MALRD1: variants seen among roughly 807,000 people sequenced by gnomAD.
MALRD1 encodes the protein MAM and LDL receptor class A domain containing 1, also known as MAM and LDL-receptor class A domain-containing protein 1.
Under a neutral mutation model 242.1 loss-of-function variants are expected in MALRD1, and 247 were observed. That is an observed-to-expected ratio of 1.02 (90% confidence interval 0.92 to 1.13). The LOEUF (loss-of-function observed/expected upper bound fraction) is 1.13, where lower values mean the gene tolerates loss of function less well. MALRD1 is among the 50% of genes most tolerant of loss of function. MALRD1 has a pLI of 0.00. For synonymous variants in MALRD1, 995 were observed against 866.6 expected (o/e 1.15, Z -2.60); for missense variants, 2,989 against 2,533.1 (o/e 1.18, Z -3.86).
intron 36 of MALRD1, among the ~76,000 whole-genome samples, chr10:19,659,295 G>C (rs769833500): frequency 4.2e-4 from 64 of 152,228 alleles, no homozygotes; most frequent in Admixed American, 9.8e-4. Context: ...GCACTTTCAT[G>C]TGTTTAATGA....
At chr10:19,395,905 T>C (rs1846556209) in intron 28 of MALRD1, among the ~76,000 whole-genome samples, 1 of 152,142 alleles carries the variant, frequency 6.6e-6, no homozygotes, top group African/African-American at 2.4e-5. Flanking sequence ...CTGGAATCTC[T>C]TCTGTCTTGA....
intron 36 of MALRD1, among the ~76,000 whole-genome samples, chr10:19,646,058 T>G (rs919139361): frequency 6.6e-6 from 1 of 152,242 alleles, no homozygotes; most frequent in African/African-American, 2.4e-5. Flanking sequence ...ATTATTTTTA[T>G]AATAAACATG....
At chr10:19,338,270 C>T (rs1279245812) in intron 24 of MALRD1, among the ~76,000 whole-genome samples, 1 of 151,992 alleles carries the variant, frequency 6.6e-6, no homozygotes, top group Non-Finnish European at 1.5e-5. Flanking sequence ...TATCGACTAC[C>T]ATAGTATCCT....
intron 33 of MALRD1, among the ~76,000 whole-genome samples, chr10:19,574,145 C>T (rs747342983): frequency 7.2e-5 from 11 of 152,140 alleles, no homozygotes; most frequent in Non-Finnish European, 1.5e-4. Flanking sequence ...GCTCTCACTT[C>T]GTTAATGAAT....
At chr10:19,588,933 G>A (rs1041061753) in intron 33 of MALRD1, among the ~76,000 whole-genome samples, 16 of 152,154 alleles carry the variant, frequency 1.1e-4, no homozygotes, top group South Asian at 6.2e-4. Context: ...ATGAGCCACC[G>A]CGCCCAGTCT....
At chr10:19,229,962 A>G in intron 18 of MALRD1, among the ~76,000 whole-genome samples, 1 of 152,092 alleles carries the variant, frequency 6.6e-6, no homozygotes, top group East Asian at 1.9e-4. Flanking sequence ...GGACCTCGTG[A>G]GAGGTAAGTG....
intron 34 of MALRD1, among the ~76,000 whole-genome samples, 177 bp downstream of exon 34, chr10:19,595,634 A>G (rs1838057438): frequency 6.6e-6 from 1 of 152,192 alleles, no homozygotes; most frequent in Non-Finnish European, 1.5e-5. Context: ...TAGTGTTTCC[A>G]GCAACACCCC....
chr10:19,306,140 T>G (rs1301515088), intron 21 of MALRD1, among the ~76,000 whole-genome samples: 2 of 119,776 alleles, frequency 1.7e-5, no homozygotes, highest in African/African-American at 6.8e-5. Context: ...TAGTATAGTA[T>G]ATATATACTA....
intron 8 of MALRD1, among the ~76,000 whole-genome samples, chr10:19,131,655 C>G (rs2131400679): frequency 6.6e-6 from 1 of 152,206 alleles, no homozygotes; most frequent in Non-Finnish European, 1.5e-5. Context: ...AACTCAACAA[C>G]ATTGACTTTG....
chr10:19,690,469 G>A (rs1383084798), intron 36 of MALRD1, among the ~76,000 whole-genome samples: 1 of 151,966 alleles, frequency 6.6e-6, no homozygotes, highest in Non-Finnish European at 1.5e-5. Context: ...ACTTTACAAA[G>A]TTCAGAATTG....
At chr10:19,451,429 C>A (rs1031385259) in intron 29 of MALRD1, among the ~76,000 whole-genome samples, 3 of 151,850 alleles carry the variant, frequency 2.0e-5, no homozygotes, top group Non-Finnish European at 4.4e-5. Flanking sequence ...ACAAAACTAC[C>A]CAGAAAATGT....
rs544012373 is a variant in MALRD1, at chr10:19,181,259, C to A, written c.1951+5931C>A. 3.3e-5 allele frequency among the ~76,000 whole-genome samples: 5 copies of A among 152,232 alleles called. No individual in the cohort carries two copies. In the South Asian group the frequency reaches 1.0e-3, roughly 32 times the overall value. On this transcript the variant is annotated intron_variant, in intron 14 of 39. Transcript: ENST00000454679. Reference sequence around the variant, plus strand: ...ACCACTTCATAAAGCTATCTGCACTCCCATGTTCGCTGCAGGATTATTCTT... The same window carrying A: ...ACCACTTCATAAAGCTATCTGCACTACCATGTTCGCTGCAGGATTATTCTT...
chr10:19,241,693 C>T (rs2499078), intron 18 of MALRD1, among the ~76,000 whole-genome samples: 59,410 of 151,748 alleles, frequency 0.39, 12,444 homozygotes, highest in South Asian at 0.67. Context: ...GCTTTTATTG[C>T]TATAAATTTC....
At chr10:19,582,580 A>G (rs1414508245) in intron 33 of MALRD1, among the ~76,000 whole-genome samples, 19 of 138,260 alleles carry the variant, frequency 1.4e-4, no homozygotes, top group Admixed American at 3.0e-4. Context: ...CCATTGATCT[A>G]TATCTCTGTT....
intron 29 of MALRD1, among the ~76,000 whole-genome samples, chr10:19,452,723 A>G (rs1182976462): frequency 6.6e-6 from 1 of 152,220 alleles, no homozygotes; most frequent in East Asian, 1.9e-4. Flanking sequence ...ATGGATGATC[A>G]GAAGGAGCTT....
At chr10:19,287,244 C>G (rs1841170458) in intron 21 of MALRD1, among the ~76,000 whole-genome samples, 1 of 151,990 alleles carries the variant, frequency 6.6e-6, no homozygotes, top group Non-Finnish European at 1.5e-5. Flanking sequence ...ACTTTTCTCA[C>G]TTTTATTAGG....
chr10:19,531,198 T>C lies in MALRD1; in HGVS notation c.5325T>C (p.Ser1775=), dbSNP rs1483494100. 32 of 1,545,058 alleles carry C rather than the reference T, an allele frequency of 2.1e-5. No homozygotes were observed. The highest frequency in any genetic ancestry group is 2.8e-5 in the Non-Finnish European group (32 of 1,143,706). Residue 1775 remains serine, a synonymous_variant, in exon 32 of 40, where the codon AGT becomes AGC. Coordinates refer to ENST00000454679, the MANE Select transcript of MALRD1 (RefSeq NM_001142308.3). ...ATTTTGTTAATCTATTTCAAGGTAG[T>C]GGTCAGCACTTCCTGTACGTCAACT... ...LIPDSDHTPG[S]GQHFLYVNSS...
chr10:19,211,359 A>G (rs1837055459), intron 18 of MALRD1, among the ~76,000 whole-genome samples: 2 of 152,040 alleles, frequency 1.3e-5, no homozygotes, highest in Non-Finnish European at 2.9e-5. Flanking sequence ...CGAAAAGATG[A>G]AATCAGAGAT....
At chr10:19,597,213 C>G (rs1044852519) in intron 34 of MALRD1, among the ~76,000 whole-genome samples, 1 of 152,152 alleles carries the variant, frequency 6.6e-6, no homozygotes, top group African/African-American at 2.4e-5. Flanking sequence ...GAAAGCCTGC[C>G]AAATTACTTA....
Sources: allele counts gnomAD v4.1 joint callset (sites outside exome capture counted in the v4.1 genomes callset), GRCh38; gene constraint gnomAD v4.1.1; transcripts MANE v1.5; gene names NCBI Gene and HGNC (gene_info 2026-07-23, HGNC 2026-07-21).